Variants in NUP155 observed in about 807,000 individuals in gnomAD.
The protein encoded by NUP155 is nuclear pore complex protein Nup155.
A neutral mutation model predicts 180.4 loss-of-function variants in NUP155; 71 were observed. The ratio of observed to expected loss-of-function variants is 0.39; its 90% CI spans 0.33 to 0.48. The LOEUF (loss-of-function observed/expected upper bound fraction) is 0.48. Among genes scored for constraint, NUP155 ranks in the 20% least tolerant of loss-of-function variants. The pLI is 0.91. For synonymous variants in NUP155, 582 were observed against 559.5 expected, an observed-to-expected ratio of 1.04 and a Z score of -0.57; for missense variants, 1,553 against 1,648.9, an observed-to-expected ratio of 0.94 and a Z score of 1.01.
rs1212155235 is a variant in NUP155, at chr5:37,307,350, A to G, written c.2850T>C (p.Tyr950=). Residue 950 remains tyrosine, a synonymous_variant, in exon 25 of 35, where the codon TAT becomes TAC. Transcript: ENST00000231498. The part of the protein sequence containing the change: ...KDPQGLGLHF[Y]KHGEPEEDIV... ...TGTCTTCTTCTGGTTCTCCATGTTT[A>G]TAGAAATGAAGCCCAAGACCTTGAG... 1 of 1,614,130 alleles carries G rather than the reference A, an allele frequency of 6.2e-7. No homozygotes were observed. The highest frequency in any genetic ancestry group is 8.5e-7 in the Non-Finnish European group (1 of 1,179,972).
At position 37,310,535 on chromosome 5, in the gene NUP155, G is replaced by C; in HGVS notation, c.2628+17C>G. Reference sequence around the variant, plus strand: ...CCTCTTATAACAAACAATGAAATAGGTAATAAAGTATCATACCTTAGAACA... The same window carrying C: ...CCTCTTATAACAAACAATGAAATAGCTAATAAAGTATCATACCTTAGAACA... On this transcript the variant is annotated intron_variant, in intron 23 of 34. Transcript: ENST00000231498. The C allele has an allele frequency of 6.3e-7, 1 of 1,590,082 alleles. No homozygotes were observed. Among genetic ancestry groups the C allele is most frequent in the Non-Finnish European group, 8.6e-7 (1 of 1,159,028 alleles).
At position 37,319,881 on chromosome 5, in the gene NUP155, C is replaced by A. The variant is rs1054804217; in HGVS notation, c.2208-1796G>T. Among the ~76,000 whole-genome samples, 3 of 151,688 alleles carry A rather than the reference C, an allele frequency of 2.0e-5. No individual in the cohort carries two copies. In the East Asian group the frequency reaches 5.8e-4, roughly 29 times the overall value. On this transcript the variant is annotated intron_variant, in intron 20 of 34. Transcript: ENST00000231498. ...GTGAGACCAGTCTCAAAAAAGAAAA[C>A]CAAAAAACACCTCAAGTAAGGGTGG... is the stretch of plus-strand genomic sequence containing the variant.
chr5:37,317,236 C>T (rs900278297), intron 21 of NUP155, among the ~76,000 whole-genome samples: 1 of 151,558 alleles, frequency 6.6e-6, no homozygotes, highest in Non-Finnish European at 1.5e-5. Flanking sequence ...CATCTGTAAT[C>T]CCAGCACTTT....
At position 37,296,104 on chromosome 5, in the gene NUP155, C is replaced by T. The variant is rs1178506896; in HGVS notation, c.3794-1639G>A. Among the ~76,000 whole-genome samples the T allele has an allele frequency of 4.0e-5, 6 of 151,220 alleles. No individual in the cohort carries two copies. The East Asian group carries it at 5.9e-4, about 15-fold the overall frequency. ...GCCGCCCCGTCCGGGAGGTGAGGGG[C>T]ACCTCTGCCCGGCCGCCCCTACTGG... is the stretch of plus-strand genomic sequence containing the variant. On this transcript the variant is annotated intron_variant, in intron 32 of 34. Coordinates refer to ENST00000231498, the MANE Select transcript of NUP155 (RefSeq NM_153485.3).
At chr5:37,315,891 G>A (rs563942861) in intron 21 of NUP155, among the ~76,000 whole-genome samples, 27 of 152,214 alleles carry the variant, frequency 1.8e-4, no homozygotes, top group Non-Finnish European at 2.5e-4. Flanking sequence ...AGTGAGCTGA[G>A]ATCGCACCAT....
Position 37,308,631 on chromosome 5 carries a change from C to T in NUP155, c.2767+498G>A, listed in dbSNP as rs1179580355. 2.0e-5 allele frequency among the ~76,000 whole-genome samples: 3 copies of T among 151,426 alleles called. No homozygotes were observed. In the East Asian group the frequency reaches 5.8e-4, roughly 29 times the overall value. ...AATGGCGTGAACCTGGGAGGCAGAG[C>T]TTGCAGTGAGCTGAGATCGCACCAC... On this transcript the variant is annotated intron_variant, in intron 24 of 34. Coordinates refer to ENST00000231498, the MANE Select transcript of NUP155 (RefSeq NM_153485.3).
At chr5:37,370,568 G>T in intron 1 of NUP155, 2 of 1,086,250 alleles carry the variant, frequency 1.8e-6, no homozygotes, top group Non-Finnish European at 2.5e-6. Context: ...GCTCATTAAG[G>T]TTGAGGTCTT....
intron 13 of NUP155, among the ~76,000 whole-genome samples, chr5:37,332,206 C>T (rs77091086): frequency 0.014 from 1,956 of 143,736 alleles, 42 homozygotes; most frequent in African/African-American, 0.046. Flanking sequence ...CATAGTCATA[C>T]CTTATACCAG....
chr5:37,331,883 G>A (rs13170025), intron 13 of NUP155, 88 bp from the exon 14 acceptor site: 6 of 836,336 alleles, frequency 7.2e-6, no homozygotes, highest in Non-Finnish European at 1.0e-5. Context: ...TAAAATAAAT[G>A]AAACAAACAA....
intron 6 of NUP155, among the ~76,000 whole-genome samples, chr5:37,350,970 T>G (rs1323898445): frequency 6.6e-6 from 1 of 152,174 alleles, no homozygotes; most frequent in Non-Finnish European, 1.5e-5. Context: ...ATGTGTGCCT[T>G]ATGTTCCACG....
intron 20 of NUP155, among the ~76,000 whole-genome samples, chr5:37,321,352 A>C (rs915905394): frequency 1.3e-5 from 2 of 150,606 alleles, no homozygotes; most frequent in African/African-American, 2.4e-5. Context: ...TCTCCAAAAA[A>C]ACCAAACCAA....
chr5:37,361,431 A>G (rs2111697694), intron 3 of NUP155, among the ~76,000 whole-genome samples: 1 of 152,248 alleles, frequency 6.6e-6, no homozygotes, highest in African/African-American at 2.4e-5. Context: ...AAAAAATATG[A>G]TCTAGACTTT....
Position 37,298,908 on chromosome 5 carries a change from A to G in NUP155, c.3753T>C (p.Leu1251=). The change falls in exon 32 of 35, where the codon CTT becomes CTC. Residue 1251 remains leucine, a synonymous_variant. Coordinates refer to ENST00000231498, the MANE Select transcript of NUP155 (RefSeq NM_153485.3). ...MHALSLKIVL[L]GKIYAGTPRF... ...GTGGTGTGCCAGCATAAATTTTGCC[A>G]AGGAGAACAATCTTGAGACTAAGAG... 6.2e-7 allele frequency: 1 copy of G among 1,613,282 alleles called. No homozygotes were observed. Among genetic ancestry groups the G allele is most frequent in the Non-Finnish European group, 8.5e-7 (1 of 1,179,212 alleles).
At chr5:37,293,210 T>C (rs1561761724) in intron 33 of NUP155, 2 of 466,164 alleles carry the variant, frequency 4.3e-6, no homozygotes, top group Non-Finnish European at 7.8e-6. Context: ...GGAGGCATAT[T>C]TGATATACCA....
rs1438936507 is a variant in NUP155 at position 37,310,564 on chromosome 5, T to A, written c.2616A>T (p.Ala872=). ...ICPLLYSTDD[A]ICSKANELLQ... The stretch of plus-strand genomic sequence containing the variant: ...TAAAGTATCATACCTTAGAACAAAT[T>A]GCATCATCAGTGCTATATAGAAGTG... Residue 872 remains alanine, a synonymous_variant, in exon 23 of 35, where the codon GCA becomes GCT. Coordinates refer to ENST00000231498, the MANE Select transcript of NUP155 (RefSeq NM_153485.3). The A allele has an allele frequency of 6.2e-7, 1 of 1,612,358 alleles. No homozygotes were observed. Among genetic ancestry groups the A allele is most frequent in the Non-Finnish European group, 8.5e-7 (1 of 1,178,864 alleles).
At position 37,322,366 on chromosome 5, in the gene NUP155, G is replaced by C. The variant is rs1299069423; in HGVS notation, c.2207+1626C>G. Among the ~76,000 whole-genome samples the C allele has an allele frequency of 3.4e-4, 51 of 152,184 alleles. 1 individual carries two copies. Among genetic ancestry groups the C allele is most frequent in the Admixed American group, 3.3e-3 (51 of 15,276 alleles). ...TGATGTGACTCCCCCAATGCCATGTGATTATTATTTTTCAACAAAAAGTCC... is the reference window on the plus strand; with the variant it reads ...TGATGTGACTCCCCCAATGCCATGTCATTATTATTTTTCAACAAAAAGTCC... On this transcript the variant is annotated intron_variant, in intron 20 of 34. Coordinates refer to ENST00000231498, the MANE Select transcript of NUP155 (RefSeq NM_153485.3).
intron 33 of NUP155, among the ~76,000 whole-genome samples, chr5:37,293,369 A>G (rs1005457733): frequency 6.6e-6 from 1 of 150,426 alleles, no homozygotes; most frequent in East Asian, 1.9e-4. Flanking sequence ...CAGTAACAGA[A>G]ACTTAATTCT....
chr5:37,330,770 T>A (rs1378714253), intron 14 of NUP155, among the ~76,000 whole-genome samples: 1 of 152,140 alleles, frequency 6.6e-6, no homozygotes, highest in Non-Finnish European at 1.5e-5. Context: ...AAACAACTTG[T>A]CCCTAAATGT....
chr5:37,311,055 T>C (rs935035127), intron 22 of NUP155, among the ~76,000 whole-genome samples: 21 of 152,210 alleles, frequency 1.4e-4, no homozygotes, highest in Admixed American at 1.3e-3. Context: ...CACTTGGCTA[T>C]ATTTGAAAAT....
Sources: gnomAD v4.1 joint callset for allele counts (sites outside exome capture counted in the v4.1 genomes callset) on GRCh38, gnomAD v4.1.1 for gene constraint, MANE v1.5 for transcripts, NCBI Gene and HGNC (gene_info 2026-07-23, HGNC 2026-07-21) for gene names.